The following AIG1 variants were observed in gnomAD, a reference collection of about 807,000 sequenced individuals.
AIG1 encodes the protein androgen induced 1.
A neutral mutation model predicts 31.4 loss-of-function variants in AIG1; 23 were observed. That is an observed-to-expected ratio of 0.73 (90% CI 0.53 to 1.04). AIG1 has a LOEUF of 1.04. Among genes scored for constraint, AIG1 ranks in the 50% least tolerant of loss-of-function variants. The pLI, the probability that AIG1 is intolerant of heterozygous loss-of-function variation, is 0.00. For synonymous variants in AIG1, 100 were observed against 110.5 expected, an observed-to-expected ratio of 0.90 and a Z score of 0.60; for missense variants, 274 against 295.0, an observed-to-expected ratio of 0.93 and a Z score of 0.52.
At chr6:143,131,241 A>G (rs887216183) in intron 1 of AIG1, among the ~76,000 whole-genome samples, 1 of 151,986 alleles carries the variant, frequency 6.6e-6, no homozygotes, top group African/African-American at 2.4e-5. Flanking sequence ...CTTTCCCCCA[A>G]TTTTTGACTT....
intron 3 of AIG1, among the ~76,000 whole-genome samples, chr6:143,235,458 T>C (rs926163839): frequency 6.6e-6 from 1 of 152,212 alleles, no homozygotes; most frequent in Non-Finnish European, 1.5e-5. Flanking sequence ...TGTACATATC[T>C]ACAGGACTTT....
intron 4 of AIG1, among the ~76,000 whole-genome samples, chr6:143,309,691 A>G (rs1775110038): frequency 1.3e-5 from 2 of 152,054 alleles, no homozygotes; most frequent in Non-Finnish European, 2.9e-5. Context: ...ACACCAATTA[A>G]AAGACAAAGA....
intron 1 of AIG1, among the ~76,000 whole-genome samples, chr6:143,062,734 G>A (rs1394186622): frequency 6.6e-6 from 1 of 152,144 alleles, no homozygotes; most frequent in African/African-American, 2.4e-5. Context: ...TTTTTCAAGT[G>A]TTTACACTTA....
chr6:143,216,653 A>C (rs1200675734), intron 3 of AIG1, among the ~76,000 whole-genome samples: 1 of 152,236 alleles, frequency 6.6e-6, no homozygotes, highest in African/African-American at 2.4e-5. Flanking sequence ...AACATAGTAC[A>C]GATCAGGAAT....
intron 3 of AIG1, among the ~76,000 whole-genome samples, chr6:143,257,024 A>T (rs1188614244): frequency 6.6e-6 from 1 of 152,240 alleles, no homozygotes; most frequent in Non-Finnish European, 1.5e-5. Flanking sequence ...TAAAGCATGC[A>T]GCTAGAGTCA....
chr6:143,145,335 T>C (rs1210184713), intron 2 of AIG1, among the ~76,000 whole-genome samples: 1 of 152,184 alleles, frequency 6.6e-6, no homozygotes, highest in Non-Finnish European at 1.5e-5. Context: ...GTATTTTCAT[T>C]TGAGACTTGT....
At chr6:143,172,437 T>C (rs1315415951) in intron 3 of AIG1, among the ~76,000 whole-genome samples, 1 of 152,214 alleles carries the variant, frequency 6.6e-6, no homozygotes, top group Admixed American at 6.5e-5. Flanking sequence ...TGGTGGATTA[T>C]CTTTTTCACA....
In AIG1 at chr6:143,256,049, G is replaced by A. The variant is rs4896631; in HGVS notation, c.400-28061G>A. ...GTTTTGGAGTCTTCCTTTACAAATG[G>A]TGGCTTAGGTGCTTGAGCAAATATA... On this transcript the variant is annotated intron_variant, in intron 3 of 5. Transcript: ENST00000357847. This position sits in a 1 kb window ranked among gnomAD's most constrained non-coding sequence, Gnocchi z 4.6. Among the ~76,000 whole-genome samples the A allele has an allele frequency of 6.6e-6, 1 of 152,098 alleles. No individual in the cohort carries two copies. The highest frequency in any genetic ancestry group is 1.5e-5 in the Non-Finnish European group (1 of 68,016).
chr6:143,270,793 ATGTGTGTGTGCACATT>A (rs541515450), intron 3 of AIG1, among the ~76,000 whole-genome samples: 17 of 152,292 alleles, frequency 1.1e-4, no homozygotes, highest in East Asian at 3.9e-4. Context: ...GTATGTTAAT[ATGTGTGTGTGCACATT>A]TGTGTGTGTG....
At chr6:143,173,724 T>C (rs906003855) in intron 3 of AIG1, among the ~76,000 whole-genome samples, 2 of 152,238 alleles carry the variant, frequency 1.3e-5, no homozygotes, top group Admixed American at 6.5e-5. Context: ...TGATTTCCAA[T>C]TTTATTCCAC....
At chr6:143,343,722 A>T (rs1347890727), downstream of AIG1, among the ~76,000 whole-genome samples, 1 of 152,150 alleles carries the variant, frequency 6.6e-6, no homozygotes, top group Non-Finnish European at 1.5e-5. Context: ...TGTGTTATAA[A>T]TATTTTTAAT....
intron 3 of AIG1, chr6:143,189,119 C>A: frequency 1.4e-6 from 1 of 699,062 alleles, no homozygotes; most frequent in Non-Finnish European, 1.8e-6. Context: ...TCATGGCTCA[C>A]CACACCCTTA....
At chr6:143,223,421 T>C (rs1238161851) in intron 3 of AIG1, among the ~76,000 whole-genome samples, 1 of 152,226 alleles carries the variant, frequency 6.6e-6, no homozygotes, top group East Asian at 1.9e-4. Context: ...TACCTTGCAA[T>C]TGGAAGTTTG....
chr6:143,199,394 C>T (rs529830708), intron 3 of AIG1, among the ~76,000 whole-genome samples: 4 of 152,008 alleles, frequency 2.6e-5, no homozygotes, highest in African/African-American at 7.2e-5. Context: ...GAAATTAAAT[C>T]GGGAAAAATG....
At chr6:143,080,934 T>TAAA (rs1778193904) in intron 1 of AIG1, among the ~76,000 whole-genome samples, 1 of 152,132 alleles carries the variant, frequency 6.6e-6, no homozygotes, top group East Asian at 1.9e-4. Context: ...GTCACCAGGG[T>TAAA]GGAATAATTC....
At chr6:143,235,835 G>A (rs1356103282) in intron 3 of AIG1, among the ~76,000 whole-genome samples, 1 of 152,160 alleles carries the variant, frequency 6.6e-6, no homozygotes, top group Non-Finnish European at 1.5e-5. Context: ...TAAAAAGTGT[G>A]ATCTACTGAT....
intron 4 of AIG1, among the ~76,000 whole-genome samples, chr6:143,305,012 G>A (rs551519503): frequency 3.6e-4 from 55 of 152,214 alleles, no homozygotes; most frequent in Non-Finnish European, 6.5e-4. Flanking sequence ...GTTTATTTGC[G>A]TAGAGGTGTT....
At chr6:143,336,001 C>A (rs563627634) in intron 5 of AIG1, among the ~76,000 whole-genome samples, 1 of 151,418 alleles carries the variant, frequency 6.6e-6, no homozygotes, top group East Asian at 1.9e-4. Context: ...CAGTTATCCA[C>A]TTTAGATGAC....
At chr6:143,070,891 G>C (rs1180491924) in intron 1 of AIG1, among the ~76,000 whole-genome samples, 1 of 152,168 alleles carries the variant, frequency 6.6e-6, no homozygotes, top group Non-Finnish European at 1.5e-5. Context: ...TTTAATTGAG[G>C]TAATTGTAGA....
Sources: gnomAD v4.1 joint callset for allele counts (sites outside exome capture counted in the v4.1 genomes callset) on GRCh38, gnomAD v4.1.1 for gene constraint, Gnocchi (gnomAD v3.1) non-coding constraint, MANE v1.5 for transcripts, NCBI Gene and HGNC (gene_info 2026-07-23, HGNC 2026-07-21) for gene names.